The following BCO1 variants were observed in gnomAD, a reference collection of about 807,000 sequenced individuals.
BCO1 encodes the protein beta-carotene oxygenase 1, also known as beta,beta-carotene 15,15'-dioxygenase.
In BCO1, 54 loss-of-function variants were observed where a neutral mutation model predicts 56.3. The ratio of observed to expected loss-of-function variants is 0.96; its 90% confidence interval spans 0.77 to 1.20. The LOEUF (loss-of-function observed/expected upper bound fraction) is 1.20. BCO1 is among the 50% of genes most tolerant of loss of function. The pLI, the probability that BCO1 is intolerant of heterozygous loss-of-function variation, is 0.00. For missense variants in BCO1, 801 were observed against 690.9 expected, an observed-to-expected ratio of 1.16 and a Z score of -1.79; for synonymous variants, 318 against 266.1, an observed-to-expected ratio of 1.20 and a Z score of -1.90.
intron 2 of BCO1, among the ~76,000 whole-genome samples, chr16:81,250,942 G>T (rs111673149): frequency 6.6e-6 from 1 of 152,148 alleles, no homozygotes; most frequent in Admixed American, 6.6e-5. Flanking sequence ...AGTCCTCAAA[G>T]ATAGCGTTTG....
At chr16:81,284,224 A>G (rs1251329083) in intron 8 of BCO1, among the ~76,000 whole-genome samples, 1 of 133,972 alleles carries the variant, frequency 7.5e-6, no homozygotes. Context: ...CTATATATAT[A>G]TATATTTTTA....
rs116564183 is a variant in BCO1 at position 81,261,709 on chromosome 16, C to A, written c.324-427C>A. Among the ~76,000 whole-genome samples, 688 of 152,188 alleles carry A rather than the reference C, an allele frequency of 4.5e-3. 8 individuals are homozygous for A. Among genetic ancestry groups the A allele is most frequent in the African/African-American group, 0.016 (660 of 41,524 alleles). ...GATTCCTCAGGTGACCCATTGGGAC[C>A]CAGTTGCTTTTTCTTCCTTAGTTGA... On this transcript the variant is annotated intron_variant, in intron 3 of 10. Coordinates refer to ENST00000258168, the MANE Select transcript of BCO1 (RefSeq NM_017429.3).
intron 5 of BCO1, among the ~76,000 whole-genome samples, chr16:81,267,481 C>T (rs1005353866): frequency 3.3e-5 from 5 of 152,148 alleles, no homozygotes; most frequent in African/African-American, 9.6e-5. Flanking sequence ...AGCATGGTGG[C>T]GTGAGCCTAT....
At chr16:81,255,760 C>T (rs1906093754) in intron 2 of BCO1, among the ~76,000 whole-genome samples, 1 of 151,800 alleles carries the variant, frequency 6.6e-6, no homozygotes, top group Middle Eastern at 3.2e-3. Context: ...CTGCCTCAGC[C>T]TCCCAAAGTG....
Position 81,259,488 on chromosome 16 carries a change from CA to C in BCO1, c.194-181del, listed in dbSNP as rs1906347687. ...CAGCCTGGGCAACAAGAGCAAAACT[CA>C]AAAAAATAATAATAATAAATAAAAT... On this transcript the variant is annotated intron_variant, in intron 2 of 10. Transcript: ENST00000258168. 5.3e-5 allele frequency among the ~76,000 whole-genome samples: 8 copies of C among 151,932 alleles called. No homozygotes were observed. The South Asian group carries it at 1.7e-3, about 32-fold the overall frequency.
At chr16:81,290,294 C>T in intron 10 of BCO1, 54 bp from the exon 11 acceptor site, 1 of 1,413,646 alleles carries the variant, frequency 7.1e-7, no homozygotes, top group South Asian at 1.2e-5. Flanking sequence ...GAAATTCATC[C>T]CTCCGACTGA....
At chr16:81,247,139 C>T (rs1461727569) in intron 2 of BCO1, among the ~76,000 whole-genome samples, 3 of 152,148 alleles carry the variant, frequency 2.0e-5, no homozygotes, top group Admixed American at 1.3e-4. Flanking sequence ...TAGCGGGCTT[C>T]GGGTCACACA....
intron 7 of BCO1, among the ~76,000 whole-genome samples, chr16:81,272,379 A>G (rs904086877): frequency 6.6e-6 from 1 of 151,900 alleles, no homozygotes; most frequent in Non-Finnish European, 1.5e-5. Context: ...TGGCCTCCCA[A>G]AGTGCTGGGA....
intron 8 of BCO1, among the ~76,000 whole-genome samples, chr16:81,282,717 A>G (rs117166167): frequency 0.021 from 3,173 of 151,680 alleles, 52 homozygotes; most frequent in Non-Finnish European, 0.033. Flanking sequence ...TATTGTTGCA[A>G]TATTGTCCAC....
chr16:81,243,051 G>A (rs1905210018), intron 1 of BCO1, among the ~76,000 whole-genome samples: 2 of 152,218 alleles, frequency 1.3e-5, no homozygotes, highest in South Asian at 2.1e-4. Flanking sequence ...CAAATCCATA[G>A]GAAAGAAGAT....
rs1360482279 is a variant in BCO1 at position 81,238,979 on chromosome 16, A to G, written c.64+7A>G. ...GTGAGGGCCAAAGTGACAGGTGAGC[A>G]TTCTGATAAACACTGGGCTCTTTCT... On this transcript the variant is annotated splice_region_variant and intron_variant, in intron 1 of 10. Coordinates refer to ENST00000258168, the MANE Select transcript of BCO1 (RefSeq NM_017429.3). 1.2e-6 allele frequency: 2 copies of G among 1,612,420 alleles called. No individual in the cohort carries two copies. Among genetic ancestry groups the G allele is most frequent in the East Asian group, 2.2e-5 (1 of 44,860 alleles).
At chr16:81,274,023 T>G (rs1039221342) in intron 7 of BCO1, among the ~76,000 whole-genome samples, 3 of 152,134 alleles carry the variant, frequency 2.0e-5, no homozygotes, top group African/African-American at 7.2e-5. Context: ...CTGCACCCCT[T>G]GCTCCAGAAG....
chr16:81,248,338 G>T (rs1023777552), intron 2 of BCO1, among the ~76,000 whole-genome samples: 1 of 145,110 alleles, frequency 6.9e-6, no homozygotes, highest in Non-Finnish European at 1.5e-5. Context: ...GGGAGGCAGC[G>T]GTTGCAGTGA....
intron 4 of BCO1, among the ~76,000 whole-genome samples, chr16:81,264,330 A>T (rs1480503756): frequency 6.6e-6 from 1 of 152,210 alleles, no homozygotes; most frequent in East Asian, 1.9e-4. Flanking sequence ...GTCAGGCAAC[A>T]GGATTGGAAC....
At chr16:81,262,392 T>C in intron 4 of BCO1, 109 bp downstream of exon 4, 1 of 1,199,042 alleles carries the variant, frequency 8.3e-7, no homozygotes, top group Admixed American at 1.8e-5. Context: ...GGGGAGCCCC[T>C]CCTCTAACAC....
At position 81,245,469 on chromosome 16, in the gene BCO1, T is replaced by C. The variant is rs770781827; in HGVS notation, c.65-6T>C. On this transcript the variant is annotated splice_region_variant and splice_polypyrimidine_tract_variant and intron_variant, in intron 1 of 10. Transcript: ENST00000258168. ...ACGGGAAACTAAACATTCTCTCTTT[T>C]CTCAGGCAAGATTCCAGCATGGCTG... 5.5e-5 allele frequency: 89 copies of C among 1,614,086 alleles called. No individual in the cohort carries two copies. The highest frequency in any genetic ancestry group is 6.8e-5 in the Non-Finnish European group (80 of 1,180,044).
intron 4 of BCO1, chr16:81,263,802 G>T (rs1274331239): frequency 1.3e-5 from 2 of 152,246 alleles, no homozygotes; most frequent in Non-Finnish European, 2.9e-5. Flanking sequence ...CCAGCTGGCT[G>T]TTCAAAATTC....
At chr16:81,260,453 G>A (rs1000409666) in intron 3 of BCO1, among the ~76,000 whole-genome samples, 1 of 152,124 alleles carries the variant, frequency 6.6e-6, no homozygotes, top group Non-Finnish European at 1.5e-5. Flanking sequence ...TGGATGTTGA[G>A]GAGAGGGAGA....
rs909108797 is a variant in BCO1, at chr16:81,280,379, G to A, written c.1102-478G>A. Among the ~76,000 whole-genome samples, 5 of 145,812 alleles carry A rather than the reference G, an allele frequency of 3.4e-5. No individual in the cohort carries two copies. In the South Asian group the frequency reaches 1.1e-3, roughly 32 times the overall value. On this transcript the variant is annotated intron_variant, in intron 7 of 10. Coordinates refer to ENST00000258168, the MANE Select transcript of BCO1 (RefSeq NM_017429.3). ...TAGTATATTTCTCTGTCTCTTCTCCGTGTAACTTTTTTAATGTGGTTGAGC... is the reference window on the plus strand; with the variant it reads ...TAGTATATTTCTCTGTCTCTTCTCCATGTAACTTTTTTAATGTGGTTGAGC...
Sources: allele counts gnomAD v4.1 joint callset (sites outside exome capture counted in the v4.1 genomes callset), GRCh38; gene constraint gnomAD v4.1.1; transcripts MANE v1.5; gene names NCBI Gene and HGNC (gene_info 2026-07-23, HGNC 2026-07-21).